EFNA5: variants seen among roughly 807,000 people sequenced by gnomAD.
The protein encoded by EFNA5 is ephrin A5, also known as ephrin-A5.
A neutral mutation model predicts 22.9 loss-of-function variants in EFNA5; 5 were observed. The observed-to-expected ratio is 0.22, with a 90% CI of 0.11 to 0.46. The LOEUF (loss-of-function observed/expected upper bound fraction) is 0.46. Ranked by LOEUF, EFNA5 falls within the 20% of genes least tolerant of loss-of-function variation. The pLI, the probability that EFNA5 is intolerant of heterozygous loss-of-function variation, is 0.99. For synonymous variants in EFNA5, 113 were observed against 112.2 expected (o/e 1.01, Z -0.04); for missense variants, 237 against 293.3 (o/e 0.81, Z 1.40).
chr5:107,648,463 C>A (rs551460986), intron 1 of EFNA5, among the ~76,000 whole-genome samples: 3 of 152,084 alleles, frequency 2.0e-5, no homozygotes, highest in Non-Finnish European at 2.9e-5. Context: ...AAATGAAAAC[C>A]AAATAGTTTC....
chr5:107,577,063 T>C (rs977689190), intron 1 of EFNA5, among the ~76,000 whole-genome samples: 1 of 152,208 alleles, frequency 6.6e-6, no homozygotes, highest in Non-Finnish European at 1.5e-5. Context: ...AAAGATCTAG[T>C]GGCCAACTAC....
At chr5:107,645,572 ACAC>A (rs1042484442) in intron 1 of EFNA5, among the ~76,000 whole-genome samples, 2 of 152,196 alleles carry the variant, frequency 1.3e-5, no homozygotes, top group African/African-American at 4.8e-5. Flanking sequence ...TTACCCTAAA[ACAC>A]CAGAACAAAT....
chr5:107,498,301 C>A (rs1747040699), intron 1 of EFNA5, among the ~76,000 whole-genome samples: 2 of 152,172 alleles, frequency 1.3e-5, no homozygotes. Context: ...ATGACACAAC[C>A]TTTTTTCATA....
intron 1 of EFNA5, among the ~76,000 whole-genome samples, chr5:107,634,270 C>G (rs764187508): frequency 3.9e-5 from 6 of 152,108 alleles, no homozygotes; most frequent in African/African-American, 1.2e-4. Flanking sequence ...AATCCAAGCA[C>G]TTTGGAAGGC....
chr5:107,646,307 AT>A (rs1750632933), intron 1 of EFNA5, among the ~76,000 whole-genome samples: 1 of 152,184 alleles, frequency 6.6e-6, no homozygotes, highest in Non-Finnish European at 1.5e-5. Context: ...TCAAAACATG[AT>A]ATACATATAT....
At chr5:107,613,200 G>A (rs1749856566) in intron 1 of EFNA5, among the ~76,000 whole-genome samples, 1 of 152,032 alleles carries the variant, frequency 6.6e-6, no homozygotes, top group Non-Finnish European at 1.5e-5. Flanking sequence ...TTATTTGCTA[G>A]TTACTCATTT....
intron 1 of EFNA5, among the ~76,000 whole-genome samples, chr5:107,482,349 T>C (rs1750492134): frequency 1.3e-5 from 2 of 151,586 alleles, no homozygotes; most frequent in African/African-American, 2.4e-5. Flanking sequence ...ATTAGGCAAA[T>C]ATACTTATCT....
intron 2 of EFNA5, among the ~76,000 whole-genome samples, chr5:107,412,729 T>C (rs943220259): frequency 3.3e-5 from 5 of 152,112 alleles, no homozygotes; most frequent in African/African-American, 1.2e-4. Context: ...TCTAAGTGAG[T>C]AGACTGATTA....
chr5:107,448,360 G>C (rs187497187), intron 1 of EFNA5, among the ~76,000 whole-genome samples: 1 of 152,106 alleles, frequency 6.6e-6, no homozygotes. Context: ...AGGCCCTATT[G>C]AATGCTAGAT....
rs546404985 is a variant in EFNA5, at chr5:107,485,921, A to G, written c.126-58412T>C. Reference sequence around the variant, plus strand: ...GGGGATGACAATTGATTTGTTTTCTATTGAACCTCGCCAACTGGATACTGA... The same window carrying G: ...GGGGATGACAATTGATTTGTTTTCTGTTGAACCTCGCCAACTGGATACTGA... On this transcript the variant is annotated intron_variant, in intron 1 of 4. Coordinates refer to ENST00000333274, the MANE Select transcript of EFNA5 (RefSeq NM_001962.3). Among the ~76,000 whole-genome samples the G allele has an allele frequency of 5.3e-5, 8 of 152,220 alleles. 1 individual carries two copies. In the South Asian group the frequency reaches 1.7e-3, roughly 32 times the overall value.
At chr5:107,469,254 G>A (rs1318528092) in intron 1 of EFNA5, among the ~76,000 whole-genome samples, 1 of 152,018 alleles carries the variant, frequency 6.6e-6, no homozygotes, top group East Asian at 1.9e-4. Flanking sequence ...ACACTTTCAG[G>A]CCCCTAAGAA....
intron 1 of EFNA5, among the ~76,000 whole-genome samples, chr5:107,660,015 C>T (rs1286574102): frequency 6.6e-6 from 1 of 151,574 alleles, no homozygotes; most frequent in Non-Finnish European, 1.5e-5. Flanking sequence ...CATATACCCA[C>T]CCCCTCAACA....
intron 1 of EFNA5, among the ~76,000 whole-genome samples, chr5:107,453,969 G>A (rs1749625828): frequency 6.6e-6 from 1 of 151,890 alleles, no homozygotes; most frequent in African/African-American, 2.4e-5. Flanking sequence ...GTGTGTGTAT[G>A]TGTGTGTGTG....
chr5:107,577,491 G>T (rs541456949), intron 1 of EFNA5, among the ~76,000 whole-genome samples: 2 of 152,084 alleles, frequency 1.3e-5, no homozygotes, highest in African/African-American at 4.8e-5. Flanking sequence ...AGGCCGAAAC[G>T]GGAAATTTAA....
At chr5:107,501,094 A>G (rs1747123731) in intron 1 of EFNA5, among the ~76,000 whole-genome samples, 1 of 152,204 alleles carries the variant, frequency 6.6e-6, no homozygotes, top group South Asian at 2.1e-4. Context: ...TTGTGTGCAT[A>G]GTATAAACTA....
intron 1 of EFNA5, among the ~76,000 whole-genome samples, chr5:107,481,691 A>T (rs1228565781): frequency 6.6e-6 from 1 of 152,036 alleles, no homozygotes. Context: ...TCTGCTAAAG[A>T]TAACACAAAT....
intron 1 of EFNA5, among the ~76,000 whole-genome samples, chr5:107,532,963 T>C (rs150591177): frequency 3.3e-5 from 5 of 152,184 alleles, no homozygotes; most frequent in South Asian, 2.1e-4. Flanking sequence ...TTTTTGAAAA[T>C]AGAGTACAAT....
intron 2 of EFNA5, among the ~76,000 whole-genome samples, chr5:107,414,559 T>C (rs1748455714): frequency 6.6e-6 from 1 of 152,128 alleles, no homozygotes; most frequent in African/African-American, 2.4e-5. Context: ...TAATATGTAA[T>C]ACTGAAGTGT....
At chr5:107,387,548 G>GA (rs1747660925) in intron 3 of EFNA5, among the ~76,000 whole-genome samples, 158 bp downstream of exon 3, 1 of 152,136 alleles carries the variant, frequency 6.6e-6, no homozygotes, top group Admixed American at 6.5e-5. Context: ...TGAAGAATGA[G>GA]AAAAAATATG....
Sources: gnomAD v4.1 joint callset for allele counts (sites outside exome capture counted in the v4.1 genomes callset) on GRCh38, gnomAD v4.1.1 for gene constraint, MANE v1.5 for transcripts, NCBI Gene and HGNC (gene_info 2026-07-23, HGNC 2026-07-21) for gene names.